Variants in CASZ1 observed in about 807,000 individuals in gnomAD.
CASZ1 encodes the protein castor zinc finger 1, also known as zinc finger protein castor homolog 1.
In CASZ1, 28 loss-of-function variants were observed where a neutral mutation model predicts 135.2. That is an observed-to-expected ratio of 0.21 (90% CI 0.15 to 0.28). The LOEUF (loss-of-function observed/expected upper bound fraction) is 0.28. CASZ1 is among the 10% of genes least tolerant of loss of function. The pLI, the probability that CASZ1 is intolerant of heterozygous loss-of-function variation, is 1.00. For missense variants in CASZ1, 2,161 were observed against 2,453.3 expected, an observed-to-expected ratio of 0.88 and a Z score of 2.52; for synonymous variants, 1,068 against 1,073.4, an observed-to-expected ratio of 0.99 and a Z score of 0.10.
rs1442545321 is a variant in CASZ1, at chr1:10,655,679, A to G, written c.1635T>C (p.Asn545=). The G allele has an allele frequency of 1.9e-6, 3 of 1,613,874 alleles. No homozygotes were observed. Among genetic ancestry groups the G allele is most frequent in the Admixed American group, 3.3e-5 (2 of 60,008 alleles). Residue 545 remains asparagine (N), a synonymous_variant, in exon 9 of 21, where the codon AAT becomes AAC. Transcript: ENST00000377022. ...CSVYYHGCHL[N]GKSTHYHCMQ... ...TGCAGTGATAGTGGGTGCTCTTCCC[A>G]TTGAGGTGGCAGCCGTGGTAGTAGA...
At position 10,642,345 on chromosome 1, in the gene CASZ1, G is replaced by GAA. The variant is rs35189514; in HGVS notation, c.4162+512_4162+513dup. 1.3e-3 allele frequency: 105 copies of GAA among 81,850 alleles called. 2 individuals are homozygous for GAA. The highest frequency in any genetic ancestry group is 0.012 in the Middle Eastern group (2 of 166). 5.1% of individuals were successfully genotyped at this position (81,850 alleles called of 1,614,324 possible). On this transcript the variant is annotated intron_variant, in intron 20 of 20. Coordinates refer to ENST00000377022, the MANE Select transcript of CASZ1 (RefSeq NM_001079843.3). ...AGCCTGGAGAGGGTGGAGAAAAGCA[G>GAA]AAAAAAAAAAAAAAAAAGAAACCAA...
At chr1:10,695,848 A>G (rs1441630328) in intron 3 of CASZ1, among the ~76,000 whole-genome samples, 7 of 152,136 alleles carry the variant, frequency 4.6e-5, no homozygotes, top group African/African-American at 1.7e-4. Flanking sequence ...CCTCAAGGAA[A>G]GAGACGGTGG....
chr1:10,778,683 C>G (rs1274335770), intron 1 of CASZ1, among the ~76,000 whole-genome samples: 2 of 152,212 alleles, frequency 1.3e-5, no homozygotes, highest in Non-Finnish European at 2.9e-5. Flanking sequence ...GAGCTCCCAT[C>G]CAAACTGTTC....
At position 10,647,587 on chromosome 1, in the gene CASZ1, C is replaced by T. The variant is rs1570404409; in HGVS notation, c.3497+214G>A. On this transcript the variant is annotated intron_variant, in intron 16 of 20. Transcript: ENST00000377022. This position sits in a 1 kb window ranked among gnomAD's most constrained non-coding sequence, Gnocchi z 4.9. ...GAGCAGTAGCCACTGCCGCCACCAT[C>T]GGCCCACGCGGGCTGGCCTGCTCTG... The T allele has an allele frequency of 3.5e-6, 5 of 1,424,150 alleles. No homozygotes were observed. The highest frequency in any genetic ancestry group is 1.5e-5 in the South Asian group (1 of 67,172). 88.2% of individuals were successfully genotyped at this position (1,424,150 alleles called of 1,614,324 possible). A position where few individuals can be genotyped will look rare whatever the true frequency, so the allele number is the denominator to read the frequency against.
intron 2 of CASZ1, among the ~76,000 whole-genome samples, chr1:10,729,218 C>A (rs1570532545): frequency 6.6e-6 from 1 of 152,130 alleles, no homozygotes; most frequent in Non-Finnish European, 1.5e-5. Flanking sequence ...GGGCGGGAGG[C>A]CAGAGGGCCC....
rs574140875 is a variant in CASZ1 at position 10,703,413 on chromosome 1, C to T, written c.-24+2079G>A. On this transcript the variant is annotated intron_variant, in intron 3 of 20. Coordinates refer to ENST00000377022, the MANE Select transcript of CASZ1 (RefSeq NM_001079843.3). Reference sequence around the variant, plus strand: ...GCCCAGTCTCAGACCTGGACTACCCCCTCAGCCTGCTTGCCCCTCAGCAGC... The same window carrying T: ...GCCCAGTCTCAGACCTGGACTACCCTCTCAGCCTGCTTGCCCCTCAGCAGC... Among the ~76,000 whole-genome samples the T allele has an allele frequency of 4.6e-5, 7 of 152,290 alleles. No homozygotes were observed. The East Asian group carries it at 1.2e-3, about 25-fold the overall frequency.
chr1:10,758,232 G>A (rs1261268285), intron 2 of CASZ1, among the ~76,000 whole-genome samples: 2 of 151,736 alleles, frequency 1.3e-5, no homozygotes, highest in East Asian at 3.9e-4. Flanking sequence ...GTTTCACGCT[G>A]CCTCGCCTAC....
At chr1:10,683,810 T>C (rs776025069) in intron 4 of CASZ1, among the ~76,000 whole-genome samples, 21 of 152,214 alleles carry the variant, frequency 1.4e-4, no homozygotes, top group Non-Finnish European at 2.2e-4. Context: ...AAAATGCATC[T>C]GCATCAACAA....
intron 4 of CASZ1, among the ~76,000 whole-genome samples, chr1:10,669,812 C>A (rs984902841): frequency 6.6e-6 from 1 of 152,182 alleles, no homozygotes; most frequent in African/African-American, 2.4e-5. Context: ...CTGGCAGCCC[C>A]TCCCCAGCCG....
rs1416866506 is a variant in CASZ1 at position 10,653,441 on chromosome 1, G to A, written c.2616C>T (p.Leu872=). 6.2e-7 allele frequency: 1 copy of A among 1,613,244 alleles called. No individual in the cohort carries two copies. Among genetic ancestry groups the A allele is most frequent in the East Asian group, 2.2e-5 (1 of 44,892 alleles). The change falls in exon 11 of 21, where the codon CTC becomes CTT. Residue 872 remains leucine, a synonymous_variant. Coordinates refer to ENST00000377022, the MANE Select transcript of CASZ1 (RefSeq NM_001079843.3). ...IMERISASKG[L]ISPMMARLAA... is the part of the protein sequence containing the mutation. ...CCAGCCTGGCCATCATGGGCGAGAT[G>A]AGGCCCTTGCTTGCAGAGATCCTCT...
chr1:10,693,525 GCA>G lies in CASZ1; in HGVS notation c.16+347_16+348del, dbSNP rs1313748051. ...AAAAAAAAAAAAAAAAAAAAAAAAG[GCA>G]CACACACAGAAAAAAAACACGAAGC... On this transcript the variant is annotated intron_variant, in intron 4 of 20. Coordinates refer to ENST00000377022, the MANE Select transcript of CASZ1 (RefSeq NM_001079843.3). Among the ~76,000 whole-genome samples the G allele has an allele frequency of 8.3e-5, 7 of 84,138 alleles. 1 individual carries two copies. The highest frequency in any genetic ancestry group is 3.6e-4 in the South Asian group (1 of 2,756). The allele number at this position is 84,138 out of a possible 152,430, so 55.2% of individuals were successfully genotyped here.
rs971819712 is a variant in CASZ1 at position 10,653,297 on chromosome 1, C to T, written c.2680+80G>A. On this transcript the variant is annotated intron_variant, in intron 11 of 20. Coordinates refer to ENST00000377022, the MANE Select transcript of CASZ1 (RefSeq NM_001079843.3). ...GACACTTCTTCCAAACACCCCCCGA[C>T]TCTGCTCTGCAGCCTGAGGCCAGGT... 2.1e-6 allele frequency: 3 copies of T among 1,411,028 alleles called. No homozygotes were observed. The South Asian group carries it at 3.5e-5, about 16-fold the overall frequency. 87.4% of individuals were successfully genotyped at this position (1,411,028 alleles called of 1,614,324 possible).
intron 3 of CASZ1, among the ~76,000 whole-genome samples, chr1:10,695,562 C>T (rs1376981965): frequency 2.1e-5 from 2 of 94,032 alleles, no homozygotes; most frequent in African/African-American, 9.0e-5. Context: ...CATCCCGGCT[C>T]CTCCTCCCCT....
At position 10,666,524 on chromosome 1, in the gene CASZ1, A is replaced by G. The variant is rs753678110; in HGVS notation, c.17-953T>C. On this transcript the variant is annotated intron_variant, in intron 4 of 20. Coordinates refer to ENST00000377022, the MANE Select transcript of CASZ1 (RefSeq NM_001079843.3). The surrounding 1 kb of genome is among the most constrained non-coding windows in gnomAD (Gnocchi z 5.2). ...CCACTTCCCAGCCCCCAGGAGCTCCAGCAGGTGCAGGGTGGGATCGCTTAG... is the reference window on the plus strand; with the variant it reads ...CCACTTCCCAGCCCCCAGGAGCTCCGGCAGGTGCAGGGTGGGATCGCTTAG... Among the ~76,000 whole-genome samples, 97 of 152,280 alleles carry G rather than the reference A, an allele frequency of 6.4e-4. No homozygotes were observed. Among genetic ancestry groups the G allele is most frequent in the Admixed American group, 2.4e-3 (36 of 15,296 alleles).
At chr1:10,641,591 A>G (rs1458129504) in intron 20 of CASZ1, among the ~76,000 whole-genome samples, 1 of 152,046 alleles carries the variant, frequency 6.6e-6, no homozygotes, top group East Asian at 1.9e-4. Flanking sequence ...TGGAATCTGG[A>G]CCCTCTGAAC....
chr1:10,656,608 G>A (rs371885503), intron 8 of CASZ1, 38 bp downstream of exon 8: 1 of 1,468,506 alleles, frequency 6.8e-7, no homozygotes, highest in African/African-American at 1.4e-5. Flanking sequence ...TGCTGTGCTG[G>A]TGGCGGAGAG....
chr1:10,688,888 C>G (rs1294219748), intron 4 of CASZ1, among the ~76,000 whole-genome samples: 1 of 152,096 alleles, frequency 6.6e-6, no homozygotes, highest in Non-Finnish European at 1.5e-5. Flanking sequence ...ACTCATTGTA[C>G]CCTGGCCCAG....
At chr1:10,748,364 G>A (rs1161996102) in intron 2 of CASZ1, among the ~76,000 whole-genome samples, 2 of 152,184 alleles carry the variant, frequency 1.3e-5, no homozygotes, top group African/African-American at 4.8e-5. Context: ...AGACGTTAGC[G>A]ACGACAAATT....
At chr1:10,664,313 C>A (rs746210363) in intron 5 of CASZ1, among the ~76,000 whole-genome samples, 1 of 151,970 alleles carries the variant, frequency 6.6e-6, no homozygotes, top group Non-Finnish European at 1.5e-5. Flanking sequence ...GTGGTCCTGG[C>A]GACCCCCTTG....
Sources: gnomAD v4.1 joint callset for allele counts (sites outside exome capture counted in the v4.1 genomes callset) on GRCh38, gnomAD v4.1.1 for gene constraint, Gnocchi (gnomAD v3.1) non-coding constraint, MANE v1.5 for transcripts, NCBI Gene and HGNC (gene_info 2026-07-23, HGNC 2026-07-21) for gene names.